The following SPIDR variants were observed in gnomAD, a reference collection of about 807,000 sequenced individuals.
SPIDR encodes the protein DNA repair-scaffolding protein.
In SPIDR, 93 loss-of-function variants were observed where a neutral mutation model predicts 104.6. The observed-to-expected ratio is 0.89, with a 90% CI of 0.75 to 1.06. SPIDR has a LOEUF of 1.06. SPIDR is among the 50% of genes least tolerant of loss of function. The pLI, the probability that SPIDR is intolerant of heterozygous loss-of-function variation, is 0.00. For missense variants in SPIDR, 1,154 were observed against 1,111.2 expected, an observed-to-expected ratio of 1.04 and a Z score of -0.55; for synonymous variants, 431 against 416.9, an observed-to-expected ratio of 1.03 and a Z score of -0.41.
At chr8:47,572,362 G>A (rs1018904009) in intron 8 of SPIDR, among the ~76,000 whole-genome samples, 1 of 152,032 alleles carries the variant, frequency 6.6e-6, no homozygotes, top group Non-Finnish European at 1.5e-5. Context: ...GTCAAAAAAA[G>A]GTGTAAAAAC....
At chr8:47,434,479 A>T (rs1554691024) in intron 7 of SPIDR, among the ~76,000 whole-genome samples, 1 of 152,244 alleles carries the variant, frequency 6.6e-6, no homozygotes, top group Non-Finnish European at 1.5e-5. Flanking sequence ...ATCTCTGAAG[A>T]TAAAGAGAGA....
chr8:47,686,617 T>C (rs1264286200), intron 11 of SPIDR, among the ~76,000 whole-genome samples: 1 of 152,222 alleles, frequency 6.6e-6, no homozygotes, highest in African/African-American at 2.4e-5. Flanking sequence ...GATCCCTGTA[T>C]GTGAGCTGGG....
At chr8:47,378,375 A>G (rs2058921213) in intron 5 of SPIDR, among the ~76,000 whole-genome samples, 1 of 152,254 alleles carries the variant, frequency 6.6e-6, no homozygotes, top group Admixed American at 6.5e-5. Flanking sequence ...TCCTTGGGAA[A>G]TCACACTTGT....
intron 10 of SPIDR, among the ~76,000 whole-genome samples, chr8:47,609,793 A>G (rs905693106): frequency 3.3e-5 from 5 of 152,186 alleles, no homozygotes; most frequent in African/African-American, 1.2e-4. Flanking sequence ...ATTTATAGCT[A>G]TACACATTGA....
Position 47,361,942 on chromosome 8 carries a change from A to C in SPIDR, c.526-34434A>C, listed in dbSNP as rs1036215134. On this transcript the variant is annotated intron_variant, in intron 5 of 19. Coordinates refer to ENST00000297423, the MANE Select transcript of SPIDR (RefSeq NM_001080394.4). ...GTGCTCCCAGACTGCCTTTTGGTAT[A>C]ATTGTCCAGACCAGAGGCTCCACGT... Among the ~76,000 whole-genome samples, 59 of 152,140 alleles carry C rather than the reference A, an allele frequency of 3.9e-4. 1 individual carries two copies. The highest frequency in any genetic ancestry group is 3.8e-3 in the Admixed American group (58 of 15,276).
At chr8:47,338,130 G>A (rs1212369451) in intron 5 of SPIDR, among the ~76,000 whole-genome samples, 2 of 152,280 alleles carry the variant, frequency 1.3e-5, no homozygotes, top group South Asian at 2.1e-4. Context: ...TCCCCAGCCT[G>A]TAGGTCTCTT....
chr8:47,728,821 G>A (rs576728653), intron 17 of SPIDR, 112 bp from the exon 18 acceptor site: 6 of 1,280,142 alleles, frequency 4.7e-6, no homozygotes, highest in African/African-American at 1.5e-5. Context: ...TGAGAGTAAA[G>A]CCCCGTTTTC....
At chr8:47,313,446 A>G (rs994853389) in intron 5 of SPIDR, among the ~76,000 whole-genome samples, 1 of 152,230 alleles carries the variant, frequency 6.6e-6, no homozygotes, top group Non-Finnish European at 1.5e-5. Context: ...TTCCGTGCTC[A>G]TGGGTAGAAA....
At chr8:47,664,602 G>A (rs1041598437) in intron 10 of SPIDR, among the ~76,000 whole-genome samples, 5 of 151,944 alleles carry the variant, frequency 3.3e-5, no homozygotes, top group African/African-American at 9.7e-5. Context: ...CAAAGAATTC[G>A]TGGACTTGAA....
intron 1 of SPIDR, 48 bp from the exon 2 acceptor site, chr8:47,279,814 G>C (rs1353112480): frequency 6.4e-7 from 1 of 1,556,108 alleles, no homozygotes; most frequent in Non-Finnish European, 8.8e-7. Context: ...TAATGAAGTT[G>C]ATTTTGTTTT....
intron 5 of SPIDR, among the ~76,000 whole-genome samples, chr8:47,340,299 C>G (rs920182676): frequency 1.3e-5 from 2 of 152,066 alleles, no homozygotes; most frequent in Admixed American, 6.6e-5. Flanking sequence ...GGCTTTTTCT[C>G]AACACGTACA....
In SPIDR at chr8:47,420,329, T is replaced by C. The variant is rs1413596406; in HGVS notation, c.877+12368T>C. Among the ~76,000 whole-genome samples, 3 of 152,194 alleles carry C rather than the reference T, an allele frequency of 2.0e-5. 1 individual carries two copies. In the South Asian group the frequency reaches 6.2e-4, roughly 31 times the overall value. On this transcript the variant is annotated intron_variant, in intron 7 of 19. Coordinates refer to ENST00000297423, the MANE Select transcript of SPIDR (RefSeq NM_001080394.4). Reference sequence around the variant, plus strand: ...TTAGGTGCATATATATTTAGGATAGTTAGCTCTTCTTGTTGAATTGATCCC... The same window carrying C: ...TTAGGTGCATATATATTTAGGATAGCTAGCTCTTCTTGTTGAATTGATCCC...
intron 8 of SPIDR, among the ~76,000 whole-genome samples, chr8:47,481,903 T>G (rs1278530367): frequency 6.6e-6 from 1 of 152,272 alleles, no homozygotes; most frequent in Admixed American, 6.5e-5. Context: ...GGTAGTGATC[T>G]GCCTTCAATT....
At chr8:47,465,648 A>G (rs2074642765) in intron 8 of SPIDR, among the ~76,000 whole-genome samples, 1 of 152,148 alleles carries the variant, frequency 6.6e-6, no homozygotes, top group Non-Finnish European at 1.5e-5. Context: ...AGGCAGGAGA[A>G]TCACTTGAAC....
intron 8 of SPIDR, among the ~76,000 whole-genome samples, chr8:47,451,671 G>T (rs2154348776): frequency 6.6e-6 from 1 of 152,016 alleles, no homozygotes; most frequent in South Asian, 2.1e-4. Context: ...TTGAAGAAAA[G>T]AAAATTGAAC....
At chr8:47,380,081 CA>C (rs1432065839) in intron 5 of SPIDR, among the ~76,000 whole-genome samples, 1 of 152,190 alleles carries the variant, frequency 6.6e-6, no homozygotes, top group Non-Finnish European at 1.5e-5. Context: ...GCCTTGGGTC[CA>C]GGGGCATAAG....
chr8:47,593,828 C>T (rs1451050235), intron 8 of SPIDR, among the ~76,000 whole-genome samples: 3 of 152,150 alleles, frequency 2.0e-5, no homozygotes, highest in African/African-American at 7.2e-5. Flanking sequence ...CTGGGAGGGC[C>T]AGGGAAGCCT....
At chr8:47,510,099 T>G (rs1012213774) in intron 8 of SPIDR, among the ~76,000 whole-genome samples, 1 of 152,268 alleles carries the variant, frequency 6.6e-6, no homozygotes, top group Non-Finnish European at 1.5e-5. Context: ...CATTTCGATT[T>G]CAGCTATAAT....
chr8:47,616,143 C>A (rs2064283494), intron 10 of SPIDR, among the ~76,000 whole-genome samples: 1 of 152,066 alleles, frequency 6.6e-6, no homozygotes, highest in Admixed American at 6.6e-5. Context: ...TCTTCCTTTC[C>A]AATTTGTTTT....
Sources: gnomAD v4.1 joint callset for allele counts (sites outside exome capture counted in the v4.1 genomes callset) on GRCh38, gnomAD v4.1.1 for gene constraint, MANE v1.5 for transcripts, NCBI Gene and HGNC (gene_info 2026-07-23, HGNC 2026-07-21) for gene names.